Variants in LPAR1 observed in about 807,000 individuals in gnomAD.
The protein encoded by LPAR1 is LPA receptor 1.
In LPAR1, 5 loss-of-function variants were observed where a neutral mutation model predicts 23.8. The observed-to-expected ratio is 0.21, with a 90% CI of 0.11 to 0.44. The LOEUF (loss-of-function observed/expected upper bound fraction) is 0.44. LPAR1 is among the 20% of genes least tolerant of loss of function. LPAR1 has a pLI of 0.99. For missense variants in LPAR1, 311 were observed against 482.8 expected, an observed-to-expected ratio of 0.64 and a Z score of 3.33; for synonymous variants, 160 against 164.7, an observed-to-expected ratio of 0.97 and a Z score of 0.22.
At chr9:110,981,665 A>C (rs1465725540) in intron 2 of LPAR1, among the ~76,000 whole-genome samples, 1 of 152,120 alleles carries the variant, frequency 6.6e-6, no homozygotes, top group East Asian at 1.9e-4. Flanking sequence ...CAGAAAACCA[A>C]GTTGGTGCCA....
Position 110,931,875 on chromosome 9 carries a change from G to A in LPAR1, c.793+9546C>T, listed in dbSNP as rs933673196. On this transcript the variant is annotated intron_variant, in intron 5 of 5. Transcript: ENST00000683809. The stretch of plus-strand genomic sequence containing the variant: ...CTGAGGGCTCTGTTCTGTTCCATTG[G>A]TCTATATCTCTGTTTTGGTACCAGT... Among the ~76,000 whole-genome samples, 24 of 152,188 alleles carry A rather than the reference G, an allele frequency of 1.6e-4. No homozygotes were observed. The East Asian group carries it at 4.6e-3, about 29-fold the overall frequency.
rs1244087292 is a variant in LPAR1 at position 111,028,976 on chromosome 9, T to C, written c.-182+7146A>G. 4.6e-5 allele frequency among the ~76,000 whole-genome samples: 7 copies of C among 152,232 alleles called. No homozygotes were observed. In the East Asian group the frequency reaches 1.2e-3, roughly 25 times the overall value. On this transcript the variant is annotated intron_variant, in intron 2 of 5. Coordinates refer to ENST00000683809, the MANE Select transcript of LPAR1 (RefSeq NM_001351411.2). ...TTTTTGTTCACCCCAGTGGGTATTG[T>C]TGAAATTTGCACCATTTCCTTCCTA...
intron 5 of LPAR1, among the ~76,000 whole-genome samples, chr9:110,889,345 A>G (rs2083380613): frequency 6.6e-6 from 1 of 152,144 alleles, no homozygotes; most frequent in South Asian, 2.1e-4. Flanking sequence ...GCAACAGAGT[A>G]AGACTCTGTC....
intron 4 of LPAR1, among the ~76,000 whole-genome samples, chr9:110,950,957 T>C (rs2095551084): frequency 6.6e-6 from 1 of 152,166 alleles, no homozygotes; most frequent in Admixed American, 6.5e-5. Context: ...AGATGCGTTA[T>C]TGAATACTAC....
chr9:110,987,031 T>C (rs2096796757), intron 2 of LPAR1, among the ~76,000 whole-genome samples: 1 of 152,096 alleles, frequency 6.6e-6, no homozygotes, highest in Non-Finnish European at 1.5e-5. Flanking sequence ...ATGCTAATAT[T>C]AGGGAAATGT....
chr9:110,948,615 G>A lies in LPAR1; in HGVS notation c.46-6447C>T, dbSNP rs538392652. ...ATCATACTTGTCAAATTTCCAAAGA[G>A]AATTCTGTGTCAGTCCTAAGAGGAA... On this transcript the variant is annotated intron_variant, in intron 4 of 5. Coordinates refer to ENST00000683809, the MANE Select transcript of LPAR1 (RefSeq NM_001351411.2). Among the ~76,000 whole-genome samples the A allele has an allele frequency of 2.6e-4, 39 of 152,240 alleles. No individual in the cohort carries two copies. In the South Asian group the frequency reaches 7.9e-3, roughly 31 times the overall value.
intron 5 of LPAR1, among the ~76,000 whole-genome samples, chr9:110,898,526 G>A (rs941393446): frequency 6.6e-6 from 1 of 152,130 alleles, no homozygotes; most frequent in African/African-American, 2.4e-5. Context: ...ATTTAGAGTG[G>A]GAGAACCGGA....
intron 5 of LPAR1, among the ~76,000 whole-genome samples, chr9:110,938,062 T>G (rs1043447131): frequency 9.2e-5 from 14 of 152,204 alleles, no homozygotes; most frequent in African/African-American, 3.4e-4. Context: ...AACTTGGTTT[T>G]GTCATCACAT....
At chr9:111,020,698 T>G (rs938218652) in intron 2 of LPAR1, among the ~76,000 whole-genome samples, 5 of 152,258 alleles carry the variant, frequency 3.3e-5, no homozygotes, top group Admixed American at 1.3e-4. Context: ...CTGTGCCTAG[T>G]ACCTACTTGG....
chr9:111,010,638 C>T (rs1396903147), intron 2 of LPAR1, among the ~76,000 whole-genome samples: 1 of 152,094 alleles, frequency 6.6e-6, no homozygotes, highest in Non-Finnish European at 1.5e-5. Context: ...GACATAAAAA[C>T]CCACATCAGA....
intron 5 of LPAR1, among the ~76,000 whole-genome samples, chr9:110,907,916 AACACACACACACACACAC>A (rs35043548): frequency 1.4e-5 from 2 of 139,712 alleles, no homozygotes; most frequent in African/African-American, 5.3e-5. Context: ...CCTTTGACAA[AACACACACACACACACAC>A]ACACACACAC....
At chr9:110,997,403 G>T (rs2097034259) in intron 2 of LPAR1, among the ~76,000 whole-genome samples, 1 of 152,126 alleles carries the variant, frequency 6.6e-6, no homozygotes, top group South Asian at 2.1e-4. Flanking sequence ...AAAATGAAGA[G>T]TTGCGTATTA....
chr9:110,891,517 G>A (rs1237731143), intron 5 of LPAR1, among the ~76,000 whole-genome samples: 7 of 152,112 alleles, frequency 4.6e-5, no homozygotes, highest in African/African-American at 1.7e-4. Context: ...CTAGCAGGAG[G>A]ATAAACGAGA....
At chr9:110,968,728 T>C (rs2096303500) in intron 4 of LPAR1, among the ~76,000 whole-genome samples, 1 of 152,208 alleles carries the variant, frequency 6.6e-6, no homozygotes, top group South Asian at 2.1e-4. Context: ...TTATTTCTCT[T>C]ATTTATTCTT....
intron 2 of LPAR1, among the ~76,000 whole-genome samples, chr9:110,992,790 T>C (rs1208762726): frequency 6.6e-6 from 1 of 152,150 alleles, no homozygotes; most frequent in East Asian, 1.9e-4. Context: ...AACTAATTTA[T>C]AGTGACCAAA....
intron 2 of LPAR1, among the ~76,000 whole-genome samples, chr9:111,025,003 T>G (rs1362398534): frequency 1.3e-5 from 2 of 152,344 alleles, no homozygotes; most frequent in Admixed American, 6.5e-5. Context: ...AGTGCTGCAA[T>G]AAACATACGT....
intron 2 of LPAR1, among the ~76,000 whole-genome samples, chr9:111,013,555 C>T (rs2097375628): frequency 1.3e-5 from 2 of 152,060 alleles, no homozygotes; most frequent in South Asian, 2.1e-4. Context: ...ATGAAACATG[C>T]GTTAATGGAT....
At chr9:110,944,786 G>A (rs780204000) in intron 4 of LPAR1, among the ~76,000 whole-genome samples, 9 of 152,116 alleles carry the variant, frequency 5.9e-5, no homozygotes, top group Non-Finnish European at 8.8e-5. Flanking sequence ...CTCAACAATT[G>A]ACTGTAATAC....
Position 111,000,564 on chromosome 9 carries a change from C to T in LPAR1, c.-181-27006G>A, listed in dbSNP as rs528335687. On this transcript the variant is annotated intron_variant, in intron 2 of 5. Transcript: ENST00000683809. ...CATGGCTGCAATCCAGCAAGGACTG[C>T]TCTACTCCCCCAGCCACGTGCCTCA... Among the ~76,000 whole-genome samples, 5 of 152,304 alleles carry T rather than the reference C, an allele frequency of 3.3e-5. No homozygotes were observed. In the East Asian group the frequency reaches 9.7e-4, roughly 30 times the overall value.
Sources: gnomAD v4.1 joint callset for allele counts (sites outside exome capture counted in the v4.1 genomes callset) on GRCh38, gnomAD v4.1.1 for gene constraint, MANE v1.5 for transcripts, NCBI Gene and HGNC (gene_info 2026-07-23, HGNC 2026-07-21) for gene names.